TENM3: variants seen among roughly 807,000 people sequenced by gnomAD.
The protein encoded by TENM3 is teneurin transmembrane protein 3.
A neutral mutation model predicts 255.1 loss-of-function variants in TENM3; 63 were observed. The observed-to-expected ratio is 0.25, with a 90% CI of 0.20 to 0.30. TENM3 has a LOEUF of 0.30. Among genes scored for constraint, TENM3 ranks in the 10% least tolerant of loss-of-function variants. The probability of loss-of-function intolerance (pLI) is 1.00; values close to 1 mark genes in which losing one functional copy is unlikely to be tolerated. For synonymous variants in TENM3, 1,306 were observed against 1,322.3 expected, an observed-to-expected ratio of 0.99 and a Z score of 0.27; for missense variants, 2,929 against 3,461.1, an observed-to-expected ratio of 0.85 and a Z score of 3.86.
chr4:182,412,992 G>A (rs1399598022), intron 3 of TENM3, among the ~76,000 whole-genome samples: 2 of 151,642 alleles, frequency 1.3e-5, no homozygotes, highest in Non-Finnish European at 2.9e-5. Context: ...ATAAACTCTA[G>A]GTTCAACATA....
intron 1 of TENM3, among the ~76,000 whole-genome samples, chr4:182,238,290 T>C (rs1403438146): frequency 1.3e-5 from 2 of 152,234 alleles, no homozygotes; most frequent in Non-Finnish European, 1.5e-5. Context: ...AACTGAGTCA[T>C]GGAGGAAGAG....
intron 22 of TENM3, among the ~76,000 whole-genome samples, chr4:182,758,695 C>A (rs987268559): frequency 6.6e-6 from 1 of 152,054 alleles, no homozygotes; most frequent in Non-Finnish European, 1.5e-5. Context: ...TTAGACCTTA[C>A]AAAGGGCAGC....
chr4:181,617,661 G>A, the TENM3 span, among the ~76,000 whole-genome samples: 13 of 152,144 alleles, frequency 8.5e-5, no homozygotes, highest in East Asian at 2.3e-3. Context: ...TGTAAGCTGG[G>A]AGTGACATAA....
At chr4:181,796,294 C>G in the TENM3 span, among the ~76,000 whole-genome samples, 7 of 152,144 alleles carry the variant, frequency 4.6e-5, no homozygotes, top group African/African-American at 1.7e-4. Flanking sequence ...CCGACAAGTG[C>G]CCTGTCCTCA....
the TENM3 span, among the ~76,000 whole-genome samples, chr4:181,605,568 A>AAGAAAGAAAGAAAGAAAGAAAGGG: frequency 2.4e-5 from 1 of 42,202 alleles, no homozygotes; most frequent in African/African-American, 8.6e-5. Flanking sequence ...GAAAGAAAGA[A>AAGAAAGAAAGAAAGAAAGAAAGGG]AGAGAGAGAA....
intron 3 of TENM3, among the ~76,000 whole-genome samples, chr4:182,513,246 G>A (rs978268778): frequency 6.6e-6 from 1 of 151,978 alleles, no homozygotes; most frequent in Non-Finnish European, 1.5e-5. Flanking sequence ...AACCATATTC[G>A]TACGGTGAAA....
rs114022827 is a variant in TENM3 at position 182,354,616 on chromosome 4, A to G, written c.511+7687A>G. 4.1e-3 allele frequency among the ~76,000 whole-genome samples: 623 copies of G among 152,310 alleles called. 4 individuals are homozygous for G. The highest frequency in any genetic ancestry group is 0.014 in the African/African-American group (586 of 41,562). On this transcript the variant is annotated intron_variant, in intron 3 of 27. Transcript: ENST00000511685. The stretch of plus-strand genomic sequence containing the variant: ...ATTACATACACATATAATTTTATAC[A>G]TGATTATCTTGTACATTATTTACTG...
chr4:182,045,344 G>T, the TENM3 span, among the ~76,000 whole-genome samples: 106 of 150,332 alleles, frequency 7.1e-4, no homozygotes, highest in South Asian at 1.3e-3. Flanking sequence ...ATCTGACTTA[G>T]TAGAAGCGAA....
chr4:182,165,982 A>G (rs900717057), intron 1 of TENM3, among the ~76,000 whole-genome samples: 2 of 152,006 alleles, frequency 1.3e-5, no homozygotes, highest in Non-Finnish European at 1.5e-5. Flanking sequence ...GTTTCACCGC[A>G]TTAGCCAGGA....
At chr4:182,371,685 C>T (rs954253579) in intron 3 of TENM3, among the ~76,000 whole-genome samples, 4 of 152,190 alleles carry the variant, frequency 2.6e-5, no homozygotes, top group Non-Finnish European at 5.9e-5. Flanking sequence ...CGAATGCAAT[C>T]GCACGGTCTT....
At chr4:182,740,268 C>G (rs1011623334) in intron 18 of TENM3, among the ~76,000 whole-genome samples, 1 of 152,202 alleles carries the variant, frequency 6.6e-6, no homozygotes, top group African/African-American at 2.4e-5. Flanking sequence ...ACATGCAGCA[C>G]ACATTGAAAA....
intron 3 of TENM3, among the ~76,000 whole-genome samples, chr4:182,385,580 G>T (rs1767865934): frequency 6.6e-6 from 1 of 152,042 alleles, no homozygotes. Flanking sequence ...ATCTTCTAAA[G>T]ATAAGAAATT....
At chr4:181,576,548 G>T in the TENM3 span, among the ~76,000 whole-genome samples, 1 of 152,106 alleles carries the variant, frequency 6.6e-6, no homozygotes, top group Non-Finnish European at 1.5e-5. Flanking sequence ...CAGCAGTGTG[G>T]AAGGAAGGAC....
Position 182,272,949 on chromosome 4 carries a change from G to A in TENM3, c.-76+29473G>A, listed in dbSNP as rs182330226. Among the ~76,000 whole-genome samples the A allele has an allele frequency of 2.0e-5, 3 of 152,232 alleles. No individual in the cohort carries two copies. In the East Asian group the frequency reaches 5.8e-4, roughly 29 times the overall value. On this transcript the variant is annotated intron_variant, in intron 1 of 27. Coordinates refer to ENST00000511685, the MANE Select transcript of TENM3 (RefSeq NM_001080477.4). The stretch of plus-strand genomic sequence containing the variant: ...GTATGAGTCCTGCAGGATCTGGAAG[G>A]GTTTTAAACTGGGGAGTGACAAGGT...
chr4:181,937,449 T>C, the TENM3 span, among the ~76,000 whole-genome samples: 1 of 152,194 alleles, frequency 6.6e-6, no homozygotes, highest in Admixed American at 6.5e-5. Flanking sequence ...AGGCTGATGG[T>C]AGCTTAGCCA....
chr4:182,155,655 C>T (rs191843833), intron 1 of TENM3, among the ~76,000 whole-genome samples: 1 of 152,060 alleles, frequency 6.6e-6, no homozygotes, highest in African/African-American at 2.4e-5. Flanking sequence ...CAGATGTAAC[C>T]AAATTTCAAT....
At chr4:181,962,833 C>T in the TENM3 span, among the ~76,000 whole-genome samples, 1 of 152,108 alleles carries the variant, frequency 6.6e-6, no homozygotes, top group African/African-American at 2.4e-5. Flanking sequence ...ATTTTGTTAT[C>T]AACACGTAGA....
At chr4:181,640,804 GTCC>G in the TENM3 span, among the ~76,000 whole-genome samples, 5 of 152,140 alleles carry the variant, frequency 3.3e-5, no homozygotes, top group African/African-American at 4.8e-5. Context: ...CAGGTTGACA[GTCC>G]TCTACCAAAA....
intron 6 of TENM3, among the ~76,000 whole-genome samples, chr4:182,660,338 G>A (rs1306989864): frequency 6.6e-6 from 1 of 152,184 alleles, no homozygotes; most frequent in African/African-American, 2.4e-5. Context: ...TCAAGTATAT[G>A]CAAAGTACTA....
Sources: allele counts gnomAD v4.1 joint callset (sites outside exome capture counted in the v4.1 genomes callset), GRCh38; gene constraint gnomAD v4.1.1; transcripts MANE v1.5; gene names NCBI Gene and HGNC (gene_info 2026-07-23, HGNC 2026-07-21).